Variants in PTCHD4 observed in about 807,000 individuals in gnomAD.
PTCHD4 encodes the protein patched domain-containing protein 4.
In PTCHD4, 33 loss-of-function variants were observed where a neutral mutation model predicts 58.1. The observed-to-expected ratio is 0.57, with a 90% confidence interval of 0.43 to 0.76. The LOEUF (loss-of-function observed/expected upper bound fraction) is 0.76, where lower values mean the gene tolerates loss of function less well. Ranked by LOEUF, PTCHD4 falls within the 30% of genes least tolerant of loss-of-function variation. The pLI is 0.00. For missense variants in PTCHD4, 1,058 were observed against 1,027.1 expected (o/e 1.03, Z -0.41); for synonymous variants, 478 against 409.6 (o/e 1.17, Z -2.02).
chr6:48,098,461 C>G (rs546543166), intron 1 of PTCHD4, among the ~76,000 whole-genome samples: 1 of 152,072 alleles, frequency 6.6e-6, no homozygotes, highest in Non-Finnish European at 1.5e-5. Context: ...ACCTCAGCCT[C>G]CTGAGTAGCT....
At chr6:48,109,560 A>G (rs530416795) in intron 1 of PTCHD4, among the ~76,000 whole-genome samples, 2 of 149,952 alleles carry the variant, frequency 1.3e-5, no homozygotes, top group South Asian at 4.1e-4. Flanking sequence ...AAGTGGGACT[A>G]CATCAAACTA....
At chr6:47,893,482 C>T (rs1392918177) in intron 4 of PTCHD4, among the ~76,000 whole-genome samples, 1 of 152,144 alleles carries the variant, frequency 6.6e-6, no homozygotes, top group Non-Finnish European at 1.5e-5. Context: ...ATCATTTTAT[C>T]ATGCATTAAT....
chr6:48,019,336 A>G (rs9473217), intron 3 of PTCHD4, among the ~76,000 whole-genome samples: 2,331 of 152,054 alleles, frequency 0.015, 71 homozygotes, highest in African/African-American at 0.054. Flanking sequence ...CAAAGGGCCT[A>G]TGGTGTGGGG....
At chr6:48,110,850 A>C (rs1765860313) in intron 1 of PTCHD4, among the ~76,000 whole-genome samples, 199 bp downstream of exon 1, 1 of 149,130 alleles carries the variant, frequency 6.7e-6, no homozygotes, top group Non-Finnish European at 1.5e-5. Context: ...CCAATCTGGT[A>C]CTTGTCTTTT....
intron 4 of PTCHD4, among the ~76,000 whole-genome samples, chr6:47,956,456 C>T (rs1006250974): frequency 8.6e-5 from 13 of 150,894 alleles, no homozygotes; most frequent in Admixed American, 3.3e-4. Context: ...TTTTTTGAGA[C>T]GGAGTCTAGC....
chr6:47,987,212 A>G (rs899617387), intron 4 of PTCHD4, among the ~76,000 whole-genome samples: 1 of 139,144 alleles, frequency 7.2e-6, no homozygotes, highest in Non-Finnish European at 1.5e-5. Context: ...AAAAAGACTC[A>G]AATGGTGAAG....
chr6:48,060,118 G>A (rs145920356), intron 3 of PTCHD4, among the ~76,000 whole-genome samples: 2 of 152,316 alleles, frequency 1.3e-5, no homozygotes, highest in East Asian at 1.9e-4. Flanking sequence ...TGAATCTCCA[G>A]TGGCCAACAC....
chr6:48,097,477 T>C (rs1271808253), intron 1 of PTCHD4, among the ~76,000 whole-genome samples: 1 of 152,196 alleles, frequency 6.6e-6, no homozygotes, highest in Non-Finnish European at 1.5e-5. Flanking sequence ...ATCTAAAGAA[T>C]TCCAAGTAGC....
intron 1 of PTCHD4, among the ~76,000 whole-genome samples, chr6:48,104,208 C>T (rs1425853935): frequency 2.6e-5 from 4 of 152,142 alleles, no homozygotes; most frequent in Admixed American, 6.6e-5. Flanking sequence ...AGAGAAAGGT[C>T]GGGTTACCCA....
In PTCHD4 at chr6:47,858,335, G is replaced by A. The variant is rs1763346001; in HGVS notation, c.*19968C>T. On this transcript the variant is annotated 3_prime_UTR_variant, in exon 5 of 5. Transcript: ENST00000339488. ...AATTTCTTCTGTAGAACAAAGTAAT[G>A]TGTATGAAAGACAATTAGATATATT... is the stretch of plus-strand genomic sequence containing the variant. Among the ~76,000 whole-genome samples the A allele has an allele frequency of 1.3e-5, 2 of 151,964 alleles. No individual in the cohort carries two copies. The highest frequency in any genetic ancestry group is 4.8e-5 in the African/African-American group (2 of 41,410).
Position 47,869,514 on chromosome 6 carries a change from T to A in PTCHD4, c.*8789A>T, listed in dbSNP as rs111581645. The stretch of plus-strand genomic sequence containing the variant: ...TGAAGGTAACATAATTATTAAGGGG[T>A]GTTAAAGTGCTATCTGAATCTTTTA... On this transcript the variant is annotated 3_prime_UTR_variant, in exon 5 of 5. Coordinates refer to ENST00000339488, the MANE Select transcript of PTCHD4 (RefSeq NM_001384253.1). Among the ~76,000 whole-genome samples the A allele has an allele frequency of 2.7e-3, 405 of 151,866 alleles. 4 individuals are homozygous for A. Among genetic ancestry groups the A allele is most frequent in the Middle Eastern group, 6.8e-3 (2 of 294 alleles).
intron 4 of PTCHD4, among the ~76,000 whole-genome samples, chr6:47,905,170 G>T (rs1056397770): frequency 6.6e-6 from 1 of 151,608 alleles, no homozygotes; most frequent in African/African-American, 2.4e-5. Flanking sequence ...AAAAATACTG[G>T]GCTTTGTAGA....
chr6:48,060,798 A>G (rs1764600687), intron 3 of PTCHD4, among the ~76,000 whole-genome samples: 1 of 152,158 alleles, frequency 6.6e-6, no homozygotes, highest in South Asian at 2.1e-4. Context: ...TGAAATGGCA[A>G]AGTTAGAAGA....
chr6:48,023,023 A>G (rs900340310), intron 3 of PTCHD4, among the ~76,000 whole-genome samples: 5 of 152,166 alleles, frequency 3.3e-5, no homozygotes, highest in African/African-American at 1.2e-4. Flanking sequence ...TAGTGACCCA[A>G]TCAAGCTAAA....
At chr6:47,995,768 G>A (rs540205538) in intron 4 of PTCHD4, among the ~76,000 whole-genome samples, 18 of 152,236 alleles carry the variant, frequency 1.2e-4, no homozygotes, top group African/African-American at 4.3e-4. Context: ...GAAAGTTAAG[G>A]TGTTAAGTAA....
intron 4 of PTCHD4, among the ~76,000 whole-genome samples, chr6:47,957,720 T>C (rs1486867820): frequency 2.0e-5 from 3 of 151,626 alleles, no homozygotes; most frequent in Admixed American, 6.6e-5. Flanking sequence ...TCTGCCTCAG[T>C]ATCTAGAGTA....
chr6:47,998,677 T>C (rs975581752), intron 4 of PTCHD4, among the ~76,000 whole-genome samples: 2 of 152,136 alleles, frequency 1.3e-5, no homozygotes, highest in African/African-American at 4.8e-5. Flanking sequence ...CACTAGTCAA[T>C]GCTACCTCAA....
chr6:47,874,158 G>T lies in PTCHD4; in HGVS notation c.*4145C>A, dbSNP rs1021723754. 6.6e-5 allele frequency among the ~76,000 whole-genome samples: 10 copies of T among 151,624 alleles called. No homozygotes were observed. The highest frequency in any genetic ancestry group is 1.3e-4 in the Non-Finnish European group (9 of 67,766). On this transcript the variant is annotated 3_prime_UTR_variant, in exon 5 of 5. Transcript: ENST00000339488. Reference sequence around the variant, plus strand: ...CAATACAGAATATACTAGGCCCTTTGCCTGGAAGCCAGATTTCACTTCTGA... The same window carrying T: ...CAATACAGAATATACTAGGCCCTTTTCCTGGAAGCCAGATTTCACTTCTGA...
intron 1 of PTCHD4, among the ~76,000 whole-genome samples, chr6:48,078,631 A>G (rs1765103507): frequency 2.0e-5 from 3 of 152,214 alleles, no homozygotes. Context: ...AATCTATAAC[A>G]TAACTGAAGG....
Sources: gnomAD v4.1 joint callset for allele counts (sites outside exome capture counted in the v4.1 genomes callset) on GRCh38, gnomAD v4.1.1 for gene constraint, MANE v1.5 for transcripts, NCBI Gene and HGNC (gene_info 2026-07-23, HGNC 2026-07-21) for gene names.